SMG7: variants seen among roughly 807,000 people sequenced by gnomAD.
SMG7 encodes the protein nonsense-mediated mRNA decay factor SMG7.
SMG7 carries 34 observed loss-of-function variants against 148.2 expected under a neutral mutation model. The ratio of observed to expected loss-of-function variants is 0.23; its 90% CI spans 0.17 to 0.31. SMG7 has a LOEUF of 0.31. Among genes scored for constraint, SMG7 ranks in the 10% least tolerant of loss-of-function variants. The pLI, the probability that SMG7 is intolerant of heterozygous loss-of-function variation, is 1.00. For missense variants in SMG7, 1,114 were observed against 1,408.4 expected, an observed-to-expected ratio of 0.79 and a Z score of 3.35; for synonymous variants, 492 against 515.1, an observed-to-expected ratio of 0.96 and a Z score of 0.61.
intron 1 of SMG7, among the ~76,000 whole-genome samples, chr1:183,489,050 T>A (rs1035426381): frequency 6.6e-6 from 1 of 152,108 alleles, no homozygotes; most frequent in Admixed American, 6.5e-5. Flanking sequence ...GTTCACAATA[T>A]CTTTCACGTG....
At chr1:183,532,020 AGACT>A (rs1162993725) in intron 8 of SMG7, among the ~76,000 whole-genome samples, 9 of 152,294 alleles carry the variant, frequency 5.9e-5, no homozygotes, top group Non-Finnish European at 1.0e-4. Context: ...GATTGCAAGA[AGACT>A]GACAGTGTGA....
Position 183,553,333 on chromosome 1 carries a change from A to G in SMG7, c.*1402A>G. 4.2e-6 allele frequency: 4 copies of G among 951,214 alleles called. No homozygotes were observed. The highest frequency in any genetic ancestry group is 6.1e-6 in the Non-Finnish European group (4 of 655,954). The allele number at this position is 951,214 out of a possible 1,614,324, so 58.9% of individuals were successfully genotyped here. ...AAGGGGAAATTATGGAAACAATCTA[A>G]TTGTTCAATTGCTGTGCTAGTGGTA... On this transcript the variant is annotated 3_prime_UTR_variant, in exon 23 of 23. Transcript: ENST00000688051.
In SMG7 at chr1:183,507,910, A is replaced by T. The variant is rs916371799; in HGVS notation, c.30-4927A>T. 1.6e-4 allele frequency among the ~76,000 whole-genome samples: 24 copies of T among 151,844 alleles called. 1 individual carries two copies. ...TTTTATTGCTTAATAGAATTGCTTA[A>T]TTTTTCCTATTATTTAATAACTAAG... On this transcript the variant is annotated intron_variant, in intron 1 of 22. Transcript: ENST00000688051.
At chr1:183,543,180 A>G (rs1330106417) in intron 14 of SMG7, among the ~76,000 whole-genome samples, 1 of 152,096 alleles carries the variant, frequency 6.6e-6, no homozygotes, top group Non-Finnish European at 1.5e-5. Flanking sequence ...AGATGGTTTC[A>G]TGTAAACAGA....
chr1:183,485,113 G>A (rs1441319429), intron 1 of SMG7, among the ~76,000 whole-genome samples: 1 of 152,042 alleles, frequency 6.6e-6, no homozygotes, highest in Non-Finnish European at 1.5e-5. Flanking sequence ...TACTATTATT[G>A]CTCTGTTACA....
intron 4 of SMG7, among the ~76,000 whole-genome samples, chr1:183,522,475 A>G (rs1664965305): frequency 6.6e-6 from 1 of 152,242 alleles, no homozygotes; most frequent in African/African-American, 2.4e-5. Flanking sequence ...GTTTGACAAC[A>G]TGAAAGTCAT....
At position 183,553,762 on chromosome 1, in the gene SMG7, C is replaced by T. The variant is rs1572134998; in HGVS notation, c.*1831C>T. ...TCTTCAGCCCCTTCCCTGTGTCCAC[C>T]TTTCTCTCCTCTTCCCAAGCCTTTT... On this transcript the variant is annotated 3_prime_UTR_variant, in exon 23 of 23. Transcript: ENST00000688051. The T allele has an allele frequency of 6.5e-6, 1 of 152,918 alleles. No homozygotes were observed. The highest frequency in any genetic ancestry group is 2.1e-4 in the South Asian group (1 of 4,842). The allele number at this position is 152,918 out of a possible 1,614,324, so 9.5% of individuals were successfully genotyped here. A position where few individuals can be genotyped will look rare whatever the true frequency, so the allele number is the denominator to read the frequency against.
At chr1:183,550,019 G>A (rs1310370057) in intron 20 of SMG7, 96 bp downstream of exon 20, 4 of 786,068 alleles carry the variant, frequency 5.1e-6, no homozygotes, top group Non-Finnish European at 7.7e-6. Flanking sequence ...TATATCATTT[G>A]TTGGGTTATT....
At chr1:183,498,287 T>G (rs1658986292) in intron 1 of SMG7, among the ~76,000 whole-genome samples, 2 of 152,092 alleles carry the variant, frequency 1.3e-5, no homozygotes, top group Non-Finnish European at 2.9e-5. Flanking sequence ...TCCCAGCACT[T>G]TGGGAGGCCG....
Position 183,552,757 on chromosome 1 carries a change from G to C in SMG7, c.*826G>C, listed in dbSNP as rs1228511829. 8 of 1,379,228 alleles carry C rather than the reference G, an allele frequency of 5.8e-6. No individual in the cohort carries two copies. Among genetic ancestry groups the C allele is most frequent in the South Asian group, 1.7e-5 (1 of 57,198 alleles). 85.4% of individuals were successfully genotyped at this position (1,379,228 alleles called of 1,614,324 possible). On this transcript the variant is annotated 3_prime_UTR_variant, in exon 23 of 23. Coordinates refer to ENST00000688051, the MANE Select transcript of SMG7 (RefSeq NM_001375584.1). ...TTTGATTCCTGTACATTTTACAGTC[G>C]CACAGCAAGCAGTCTCACAGAAGGC...
At chr1:183,490,064 C>T (rs571597497) in intron 1 of SMG7, among the ~76,000 whole-genome samples, 17 of 152,270 alleles carry the variant, frequency 1.1e-4, no homozygotes, top group African/African-American at 4.1e-4. Context: ...TTTGAAAAAA[C>T]ACTGGTAAAG....
intron 1 of SMG7, among the ~76,000 whole-genome samples, chr1:183,473,561 A>G (rs1194581255): frequency 6.6e-6 from 1 of 152,150 alleles, no homozygotes; most frequent in East Asian, 1.9e-4. Flanking sequence ...TGTCAGCTGA[A>G]AGGTTCCATG....
chr1:183,550,694 CTT>C, intron 20 of SMG7, 55 bp from the exon 21 acceptor site: 1 of 1,548,850 alleles, frequency 6.5e-7, no homozygotes, highest in Admixed American at 1.7e-5. Flanking sequence ...ACCTGTAGTT[CTT>C]TGTATGTTTG....
At chr1:183,540,635 A>G (rs201694669) in intron 12 of SMG7, among the ~76,000 whole-genome samples, 1 of 152,112 alleles carries the variant, frequency 6.6e-6, no homozygotes, top group East Asian at 1.9e-4. Flanking sequence ...TTTCAAGCAA[A>G]TTACTTGGCA....
chr1:183,531,057 GTTAAA>G (rs1444873963), intron 8 of SMG7, among the ~76,000 whole-genome samples: 5 of 152,100 alleles, frequency 3.3e-5, no homozygotes, highest in Non-Finnish European at 5.9e-5. Flanking sequence ...GCACTCTAAA[GTTAAA>G]CATAAAACAT....
intron 4 of SMG7, among the ~76,000 whole-genome samples, chr1:183,526,087 G>A (rs997371011): frequency 6.6e-6 from 1 of 150,810 alleles, no homozygotes; most frequent in Middle Eastern, 3.4e-3. Flanking sequence ...AATTCAAAAG[G>A]TATGATTTAT....
At chr1:183,515,479 A>G (rs1324297606) in intron 2 of SMG7, among the ~76,000 whole-genome samples, 1 of 152,210 alleles carries the variant, frequency 6.6e-6, no homozygotes, top group Non-Finnish European at 1.5e-5. Context: ...AAAGAGATAC[A>G]GTATGAGAGT....
At position 183,476,298 on chromosome 1, in the gene SMG7, C is replaced by T. The variant is rs544193527; in HGVS notation, c.29+3649C>T. Among the ~76,000 whole-genome samples, 5 of 152,280 alleles carry T rather than the reference C, an allele frequency of 3.3e-5. No homozygotes were observed. The South Asian group carries it at 8.3e-4, about 25-fold the overall frequency. ...ACCTTGACTTGAAGAATTTTCTTGC[C>T]TACCTTTGTCAGTGGTGGAAGATCA... On this transcript the variant is annotated intron_variant, in intron 1 of 22. Coordinates refer to ENST00000688051, the MANE Select transcript of SMG7 (RefSeq NM_001375584.1).
chr1:183,522,162 C>G (rs1013129060), intron 4 of SMG7, among the ~76,000 whole-genome samples: 1 of 152,102 alleles, frequency 6.6e-6, no homozygotes, highest in African/African-American at 2.4e-5. Context: ...GTAGCTTTTT[C>G]CCTATTAAAG....
Sources: allele counts gnomAD v4.1 joint callset (sites outside exome capture counted in the v4.1 genomes callset), GRCh38; gene constraint gnomAD v4.1.1; transcripts MANE v1.5; gene names NCBI Gene and HGNC (gene_info 2026-07-23, HGNC 2026-07-21).